MAP3K13: variants seen among roughly 807,000 people sequenced by gnomAD.
MAP3K13 encodes mitogen-activated protein kinase kinase kinase 13.
MAP3K13 carries 52 observed loss-of-function variants against 104.0 expected under a neutral mutation model. The observed-to-expected ratio is 0.50, with a 90% CI of 0.40 to 0.63. The LOEUF is 0.63. MAP3K13 is among the 20% of genes least tolerant of loss of function. The pLI is 0.00. For synonymous variants in MAP3K13, 394 were observed against 442.2 expected (o/e 0.89, Z 1.37); for missense variants, 914 against 1,218.5 (o/e 0.75, Z 3.72).
chr3:185,330,505 C>T (rs1461005085), intron 2 of MAP3K13, among the ~76,000 whole-genome samples: 2 of 152,118 alleles, frequency 1.3e-5, no homozygotes, highest in African/African-American at 4.8e-5. Context: ...TGATTAACTT[C>T]TCCAAGTCAA....
chr3:185,297,712 G>A (rs1459140436), intron 2 of MAP3K13, among the ~76,000 whole-genome samples: 4 of 148,698 alleles, frequency 2.7e-5, no homozygotes, highest in African/African-American at 1.0e-4. Flanking sequence ...TCCAGTCTGG[G>A]CAACACAGTG....
intron 2 of MAP3K13, among the ~76,000 whole-genome samples, chr3:185,343,126 C>T (rs1285693176): frequency 2.0e-5 from 3 of 152,162 alleles, no homozygotes; most frequent in Non-Finnish European, 2.9e-5. Context: ...CAGACAAATG[C>T]TCCAGTTTTA....
intron 1 of MAP3K13, among the ~76,000 whole-genome samples, chr3:185,422,381 G>T (rs1465874928): frequency 6.6e-6 from 1 of 152,138 alleles, no homozygotes; most frequent in African/African-American, 2.4e-5. Context: ...AAATAAGTAG[G>T]TTGAACCATA....
chr3:185,329,400 A>G (rs1722163839), intron 2 of MAP3K13: 1 of 540,252 alleles, frequency 1.9e-6, no homozygotes, highest in African/African-American at 1.9e-5. Flanking sequence ...ATTAAATTGG[A>G]GGTTTTGATG....
chr3:185,406,164 A>C (rs1713103622), intron 1 of MAP3K13, among the ~76,000 whole-genome samples: 1 of 152,154 alleles, frequency 6.6e-6, no homozygotes, highest in Non-Finnish European at 1.5e-5. Context: ...AGCCAGGAAA[A>C]ATTACCTAAA....
chr3:185,432,435 C>A (rs939709304), intron 2 of MAP3K13, among the ~76,000 whole-genome samples: 41 of 152,130 alleles, frequency 2.7e-4, no homozygotes, highest in Non-Finnish European at 5.0e-4. Context: ...AGGTGATCTA[C>A]CTGCCTCGGC....
chr3:185,356,752 G>A (rs1333400872), intron 2 of MAP3K13, among the ~76,000 whole-genome samples: 1 of 152,150 alleles, frequency 6.6e-6, no homozygotes, highest in Non-Finnish European at 1.5e-5. Flanking sequence ...TGTGCCACGT[G>A]CTCACTCTTG....
chr3:185,338,621 A>C (rs2108717176), intron 2 of MAP3K13, among the ~76,000 whole-genome samples: 1 of 152,234 alleles, frequency 6.6e-6, no homozygotes, highest in South Asian at 2.1e-4. Flanking sequence ...ATATAACATT[A>C]CCCCTATGCC....
chr3:185,308,009 C>CTTTTTTTTTTTTT (rs33949195), intron 2 of MAP3K13, among the ~76,000 whole-genome samples: 4 of 31,568 alleles, frequency 1.3e-4, no homozygotes, highest in Non-Finnish European at 1.7e-4. Flanking sequence ...TCTTTGGGGT[C>CTTTTTTTTTTTTT]TTTTTTTTTT....
chr3:185,455,894 GAGAT>G (rs1383858801), intron 7 of MAP3K13, among the ~76,000 whole-genome samples: 1 of 135,842 alleles, frequency 7.4e-6, no homozygotes, highest in Admixed American at 7.7e-5. Context: ...TGATATAGAT[GAGAT>G]ATATATGATA....
chr3:185,429,012 T>C lies in MAP3K13; in HGVS notation c.431T>C (p.Ile144Thr), dbSNP rs576431934. 3.1e-5 allele frequency: 50 copies of C among 1,613,998 alleles called. No homozygotes were observed. The highest frequency in any genetic ancestry group is 4.0e-5 in the Non-Finnish European group (47 of 1,180,024). Residue 144 changes from isoleucine (I) to threonine (T), a missense_variant, in exon 2 of 14, where the codon ATC (isoleucine) becomes ACC (threonine). Ile to Thr is a moderately conservative substitution (Grantham distance 89). Transcript: ENST00000265026. The stretch of plus-strand genomic sequence containing the variant: ...GGATGCTTAAGGCCTGTATGGAATA[T>C]CATTGGGAAGGCATATTCCACTGAT... ...LFGCLRPVWN[I>T]IGKAYSTDYK...
intron 10 of MAP3K13, among the ~76,000 whole-genome samples, chr3:185,469,943 CAT>C (rs1250307668): frequency 6.6e-6 from 1 of 152,146 alleles, no homozygotes; most frequent in African/African-American, 2.4e-5. Context: ...CTCTTTGTCA[CAT>C]ATGGTGAAGA....
At position 185,348,544 on chromosome 3, in the gene MAP3K13, G is replaced by T. The variant is rs1450328064; in HGVS notation, c.-86+62901G>T. Among the ~76,000 whole-genome samples the T allele has an allele frequency of 2.0e-5, 3 of 152,236 alleles. No individual in the cohort carries two copies. The East Asian group carries it at 5.8e-4, about 29-fold the overall frequency. ...CAGGAGCAAGCAACACTACCATAGG[G>T]GACCTATGGACATGCTGCTTTTCTT... On this transcript the variant is annotated intron_variant, in intron 2 of 14. Coordinates refer to the MAP3K13 transcript ENST00000424227.
intron 1 of MAP3K13, among the ~76,000 whole-genome samples, chr3:185,374,316 G>A (rs1724312782): frequency 6.6e-6 from 1 of 152,156 alleles, no homozygotes; most frequent in Admixed American, 6.5e-5. Flanking sequence ...TTTGGGGGTT[G>A]TATGGAGAGA....
At chr3:185,302,639 C>T (rs966594367) in intron 2 of MAP3K13, among the ~76,000 whole-genome samples, 1 of 151,984 alleles carries the variant, frequency 6.6e-6, no homozygotes, top group African/African-American at 2.4e-5. Context: ...TCAGATTGGT[C>T]ATTGTTAGTG....
At chr3:185,379,329 C>T (rs781665382) in intron 1 of MAP3K13, among the ~76,000 whole-genome samples, 1 of 152,084 alleles carries the variant, frequency 6.6e-6, no homozygotes, top group Non-Finnish European at 1.5e-5. Context: ...TCCTTTGTCT[C>T]TACCAGAAAA....
chr3:185,363,070 G>T, upstream of MAP3K13: 1 of 985,048 alleles, frequency 1.0e-6, no homozygotes, highest in Non-Finnish European at 1.2e-6. Flanking sequence ...CTAAAAGAAG[G>T]AAGGCCATGT....
intron 2 of MAP3K13, chr3:185,329,224 C>T (rs1222151629): frequency 1.4e-6 from 1 of 702,870 alleles, no homozygotes; most frequent in Non-Finnish European, 2.6e-6. Flanking sequence ...ATGTTGAGTG[C>T]AAGTGTTTAC....
intron 10 of MAP3K13, among the ~76,000 whole-genome samples, chr3:185,472,460 C>G: frequency 6.6e-6 from 1 of 152,104 alleles, no homozygotes; most frequent in Non-Finnish European, 1.5e-5. Context: ...ATCCACCCTC[C>G]TTGGCCTCCC....
Sources: gnomAD v4.1 joint callset for allele counts (sites outside exome capture counted in the v4.1 genomes callset) on GRCh38, gnomAD v4.1.1 for gene constraint, MANE v1.5 for transcripts, NCBI Gene and HGNC (gene_info 2026-07-23, HGNC 2026-07-21) for gene names.